Variants in PTK2B observed in about 807,000 individuals in gnomAD.
PTK2B encodes the protein protein tyrosine kinase 2 beta.
PTK2B carries 71 observed loss-of-function variants against 142.9 expected under a neutral mutation model. The observed-to-expected ratio is 0.50, with a 90% confidence interval of 0.41 to 0.61. The LOEUF is 0.61. PTK2B is among the 20% of genes least tolerant of loss of function. PTK2B has a pLI of 0.00. For missense variants in PTK2B, 1,105 were observed against 1,320.4 expected (o/e 0.84, Z 2.53); for synonymous variants, 519 against 503.4 (o/e 1.03, Z -0.42).
intron 1 of PTK2B, among the ~76,000 whole-genome samples, chr8:27,350,975 CAA>C (rs1161040902): frequency 0.017 from 39 of 2,346 alleles, no homozygotes; most frequent in Admixed American, 0.029. Flanking sequence ...GTCTCCGTCT[CAA>C]AAAAAAAAAA....
upstream of PTK2B, among the ~76,000 whole-genome samples, chr8:27,323,843 A>G (rs772208683): frequency 6.6e-6 from 1 of 152,194 alleles, no homozygotes; most frequent in Non-Finnish European, 1.5e-5. Flanking sequence ...GAAGAATTCA[A>G]CAACCTCTGA....
chr8:27,430,853 AC>A, intron 7 of PTK2B, 22 bp from the exon 8 acceptor site: 1 of 1,610,854 alleles, frequency 6.2e-7, no homozygotes, highest in Non-Finnish European at 8.5e-7. Flanking sequence ...GGCATTGCTC[AC>A]ACGGCCCATC....
intron 1 of PTK2B, among the ~76,000 whole-genome samples, chr8:27,341,155 C>T (rs977471062): frequency 1.2e-4 from 19 of 152,114 alleles, no homozygotes; most frequent in African/African-American, 2.4e-4. Context: ...TCTACCTCCC[C>T]GGGTGCCCCT....
chr8:27,375,676 C>T (rs1806623233), intron 1 of PTK2B, among the ~76,000 whole-genome samples: 1 of 152,196 alleles, frequency 6.6e-6, no homozygotes. Context: ...TCTCCTGCCT[C>T]CGGGGGCCGT....
chr8:27,438,818 G>A (rs1810965927), intron 18 of PTK2B, among the ~76,000 whole-genome samples: 1 of 152,204 alleles, frequency 6.6e-6, no homozygotes, highest in African/African-American at 2.4e-5. Context: ...ATGTTGGGGT[G>A]CAGAGGGGCC....
rs1563306418 is a variant in PTK2B, at chr8:27,454,264, C to A, written c.2706C>A (p.Pro902=). The change falls in exon 29 of 31, where the codon CCC becomes CCA. Residue 902 remains proline, a synonymous_variant. Transcript: ENST00000346049. Reference sequence around the variant, plus strand: ...TCAAGAATGAGCTCTGTCAGCTGCCCCCCGAGGGCTACGTGGTGGTGGTGA... The same window carrying A: ...TCAAGAATGAGCTCTGTCAGCTGCCACCCGAGGGCTACGTGGTGGTGGTGA... ...LELKNELCQL[P]PEGYVVVVKN... is the part of the protein sequence containing the mutation. The A allele has an allele frequency of 3.7e-6, 6 of 1,613,882 alleles. No homozygotes were observed. The highest frequency in any genetic ancestry group is 2.7e-5 in the African/African-American group (2 of 74,924).
chr8:27,377,231 T>C (rs922505895), intron 1 of PTK2B, among the ~76,000 whole-genome samples: 2 of 152,216 alleles, frequency 1.3e-5, no homozygotes, highest in Non-Finnish European at 2.9e-5. Flanking sequence ...CATTGAAATA[T>C]GCAGATGCTT....
Position 27,364,036 on chromosome 8 carries a change from A to C in PTK2B, c.-37-33512A>C, listed in dbSNP as rs550329737. On this transcript the variant is annotated intron_variant, in intron 1 of 30. Coordinates refer to ENST00000346049, the MANE Select transcript of PTK2B (RefSeq NM_173176.3). The stretch of plus-strand genomic sequence containing the variant: ...CTGGGGCTCTCCACACACTCTACAT[A>C]CAAACACCTGGCAAGGAGTCCTCAC... Among the ~76,000 whole-genome samples, 12 of 152,312 alleles carry C rather than the reference A, an allele frequency of 7.9e-5. No homozygotes were observed. The Middle Eastern group carries it at 0.01, about 130-fold the overall frequency.
chr8:27,435,751 A>G lies in PTK2B; in HGVS notation c.1201A>G (p.Ile401Val), dbSNP rs755205513. The part of the protein sequence containing the change: ...LSESCSIESD[I>V]YAEIPDETLR... The stretch of plus-strand genomic sequence containing the variant: ...TCTTCCTGTTGTTCCAGAGTCAGAC[A>G]TCTACGCAGAGATTCCCGACGAAAC... Residue 401 changes from isoleucine to valine, a missense_variant, in exon 14 of 31, where the codon ATC (isoleucine) becomes GTC (valine). Transcript: ENST00000346049. 6.2e-7 allele frequency: 1 copy of G among 1,614,180 alleles called. No individual in the cohort carries two copies. Among genetic ancestry groups the G allele is most frequent in the South Asian group, 1.1e-5 (1 of 91,086 alleles).
chr8:27,431,276 T>C (rs1002400869), intron 8 of PTK2B, 122 bp from the exon 9 acceptor site: 2 of 1,560,464 alleles, frequency 1.3e-6, no homozygotes, highest in Admixed American at 1.9e-5. Flanking sequence ...AGGGTTTCGG[T>C]GAGAAGGAGC....
At chr8:27,362,401 G>C (rs1008888135) in intron 1 of PTK2B, among the ~76,000 whole-genome samples, 11 of 152,162 alleles carry the variant, frequency 7.2e-5, no homozygotes, top group African/African-American at 2.7e-4. Context: ...GGCTCTTCTA[G>C]CCCAATGGAG....
chr8:27,419,979 A>C lies in PTK2B; in HGVS notation c.289A>C (p.Met97Leu). 3 of 1,614,214 alleles carry C rather than the reference A, an allele frequency of 1.9e-6. No homozygotes were observed. Among genetic ancestry groups the C allele is most frequent in the Non-Finnish European group, 2.5e-6 (3 of 1,180,040 alleles). Residue 97 changes from methionine to leucine, a missense_variant, in exon 3 of 31, where the codon ATG (methionine) becomes CTG (leucine). Coordinates refer to ENST00000346049, the MANE Select transcript of PTK2B (RefSeq NM_173176.3). ...GTGCTATGGGCTGAGGCTGAAGCAC[A>C]TGAAGTCCGATGAGATCCACTGGCT... ...AECYGLRLKH[M>L]KSDEIHWLHP...
At position 27,440,238 on chromosome 8, in the gene PTK2B, C is replaced by T. The variant is rs376666218; in HGVS notation, c.1836C>T (p.Ala612=). The T allele has an allele frequency of 1.1e-4, 184 of 1,614,108 alleles. 2 individuals carry two copies. The highest frequency in any genetic ancestry group is 1.5e-4 in the Non-Finnish European group (182 of 1,180,018). Residue 612 remains alanine (A), a splice_region_variant and synonymous_variant, in exon 21 of 31, where the codon GCC becomes GCT. Transcript: ENST00000346049. ...FTTASDVWMF[A]VCMWEILSFG... ...GCCTGACGCTCCCTTACACCCCAGC[C>T]GTGTGCATGTGGGAGATCCTGAGCT...
intron 1 of PTK2B, among the ~76,000 whole-genome samples, chr8:27,360,658 T>TG (rs1805645747): frequency 6.6e-6 from 1 of 152,170 alleles, no homozygotes; most frequent in Non-Finnish European, 1.5e-5. Context: ...CAGGATTTCC[T>TG]GGGGTACGAT....
At chr8:27,320,585 T>A (rs1242990575), upstream of PTK2B, among the ~76,000 whole-genome samples, 1 of 152,178 alleles carries the variant, frequency 6.6e-6, no homozygotes, top group Non-Finnish European at 1.5e-5. Context: ...ACACTTTTCT[T>A]TCTTTTGTCC....
intron 1 of PTK2B, among the ~76,000 whole-genome samples, chr8:27,350,076 A>G (rs1431519205): frequency 1.3e-5 from 2 of 152,220 alleles, no homozygotes; most frequent in Non-Finnish European, 2.9e-5. Flanking sequence ...AAGCAAAACA[A>G]ATGAGTCAGA....
chr8:27,365,898 C>G (rs1379049120), intron 1 of PTK2B, among the ~76,000 whole-genome samples: 1 of 152,160 alleles, frequency 6.6e-6, no homozygotes, highest in African/African-American at 2.4e-5. Flanking sequence ...TGAAATGAAC[C>G]AATTAAGGAC....
At chr8:27,382,891 T>C (rs1807114241) in intron 1 of PTK2B, among the ~76,000 whole-genome samples, 5 of 152,224 alleles carry the variant, frequency 3.3e-5, no homozygotes. Flanking sequence ...CTGGGTTCTC[T>C]ATTCTGTTTC....
At chr8:27,311,290 G>T (rs112997548), upstream of PTK2B, 8 of 1,436,008 alleles carry the variant, frequency 5.6e-6, no homozygotes, top group Admixed American at 1.4e-4. Flanking sequence ...CCTCCCACCC[G>T]CCCGGCTGCC....
Sources: gnomAD v4.1 joint callset for allele counts (sites outside exome capture counted in the v4.1 genomes callset) on GRCh38, gnomAD v4.1.1 for gene constraint, MANE v1.5 for transcripts, NCBI Gene and HGNC (gene_info 2026-07-23, HGNC 2026-07-21) for gene names.